ST3GAL2: variants seen among roughly 807,000 people sequenced by gnomAD.
The protein encoded by ST3GAL2 is ST3 beta-galactoside alpha-2,3-sialyltransferase 2.
A neutral mutation model predicts 37.5 loss-of-function variants in ST3GAL2; 16 were observed. The observed-to-expected ratio is 0.43, with a 90% CI of 0.29 to 0.65. The LOEUF (loss-of-function observed/expected upper bound fraction) is 0.65. Among genes scored for constraint, ST3GAL2 ranks in the 30% least tolerant of loss-of-function variants. The pLI, the probability that ST3GAL2 is intolerant of heterozygous loss-of-function variation, is 0.17. For missense variants in ST3GAL2, 383 were observed against 487.8 expected, an observed-to-expected ratio of 0.79 and a Z score of 2.02; for synonymous variants, 238 against 202.9, an observed-to-expected ratio of 1.17 and a Z score of -1.47.
rs1284037113 is a variant in ST3GAL2, at chr16:70,379,921, G to A, written c.*1768C>T. On this transcript the variant is annotated 3_prime_UTR_variant, in exon 7 of 7. Coordinates refer to ENST00000342907, the MANE Select transcript of ST3GAL2 (RefSeq NM_006927.4). ...CCCAAAGTGCTGGGATGACAGGTGT[G>A]AGCCACCGTACCTGGCGGGATTCAT... is the stretch of plus-strand genomic sequence containing the variant. 1 of 152,042 alleles carries A rather than the reference G, an allele frequency of 6.6e-6. No individual in the cohort carries two copies. Among genetic ancestry groups the A allele is most frequent in the East Asian group, 1.9e-4 (1 of 5,180 alleles). The allele number at this position is 152,042 out of a possible 1,614,324, so 9.4% of individuals were successfully genotyped here.
chr16:70,386,830 C>T (rs555469156), intron 4 of ST3GAL2, among the ~76,000 whole-genome samples: 3 of 151,214 alleles, frequency 2.0e-5, no homozygotes, highest in Non-Finnish European at 4.4e-5. Flanking sequence ...ATTTTTAGTA[C>T]AGATGAGGTT....
chr16:70,382,123 C>T (rs1474571948), intron 6 of ST3GAL2, among the ~76,000 whole-genome samples: 1 of 151,128 alleles, frequency 6.6e-6, no homozygotes, highest in Non-Finnish European at 1.5e-5. Context: ...CGGGCCTCAG[C>T]CCTGCTCTTC....
intron 1 of ST3GAL2, among the ~76,000 whole-genome samples, chr16:70,427,434 G>A (rs886285516): frequency 1.4e-4 from 21 of 151,396 alleles, no homozygotes; most frequent in Admixed American, 2.6e-4. Flanking sequence ...CACCTCCTGG[G>A]TTCAAGCCAT....
intron 1 of ST3GAL2, among the ~76,000 whole-genome samples, chr16:70,418,583 C>T (rs539160189): frequency 1.3e-5 from 2 of 152,308 alleles, no homozygotes; most frequent in South Asian, 2.1e-4. Context: ...CAGCCCCGCT[C>T]GGCGAGCAGG....
chr16:70,393,541 G>A (rs1239726806), intron 3 of ST3GAL2, among the ~76,000 whole-genome samples: 1 of 152,232 alleles, frequency 6.6e-6, no homozygotes. Context: ...GGGCACCTAA[G>A]AGCATTGTCC....
At chr16:70,410,190 T>TG (rs2047626869) in intron 1 of ST3GAL2, among the ~76,000 whole-genome samples, 1 of 98,970 alleles carries the variant, frequency 1.0e-5, no homozygotes, top group African/African-American at 5.0e-5. Context: ...ATTTTTTCTG[T>TG]ATTTTTTTTC....
intron 3 of ST3GAL2, 93 bp downstream of exon 3, chr16:70,394,888 TG>T: frequency 7.0e-7 from 1 of 1,423,914 alleles, no homozygotes; most frequent in Non-Finnish European, 9.6e-7. Context: ...CACCGGTAGC[TG>T]GCAGCATGCA....
chr16:70,436,458 G>GAAAAAAAAAAAAA (rs58205790), intron 1 of ST3GAL2, among the ~76,000 whole-genome samples: 1 of 112,370 alleles, frequency 8.9e-6, no homozygotes, highest in Non-Finnish European at 1.8e-5. Flanking sequence ...CTCAAAAAAA[G>GAAAAAAAAAAAAA]AAAAAAAAAA....
Position 70,383,202 on chromosome 16 carries a change from C to T in ST3GAL2, c.747G>A (p.Val249=), listed in dbSNP as rs2047418157. The T allele has an allele frequency of 6.2e-7, 1 of 1,611,024 alleles. No individual in the cohort carries two copies. Among genetic ancestry groups the T allele is most frequent in the Non-Finnish European group, 8.5e-7 (1 of 1,179,312 alleles). The change falls in exon 5 of 7, where the codon GTG becomes GTA. Residue 249 remains valine (V), a synonymous_variant. Coordinates refer to ENST00000342907, the MANE Select transcript of ST3GAL2 (RefSeq NM_006927.4). ...TYAPVKSFLR[V]DKEKVQIYNP... ...GTGGGGAGCTTACCTTTTCTTTATC[C>T]ACTCGAAGGAAGGACTTCACTGGGG...
chr16:70,409,733 T>C (rs1410872192), intron 1 of ST3GAL2, among the ~76,000 whole-genome samples: 1 of 151,596 alleles, frequency 6.6e-6, no homozygotes, highest in East Asian at 1.9e-4. Flanking sequence ...CTCGACCACC[T>C]GGGCTCAAAT....
rs1407921283 is a variant in ST3GAL2 at position 70,380,408 on chromosome 16, T to G, written c.*1281A>C. 6.6e-6 allele frequency: 1 copy of G among 152,232 alleles called. No homozygotes were observed. The highest frequency in any genetic ancestry group is 1.5e-5 in the Non-Finnish European group (1 of 68,074). 9.4% of individuals were successfully genotyped at this position (152,232 alleles called of 1,614,324 possible). A position where few individuals can be genotyped will look rare whatever the true frequency, so the allele number is the denominator to read the frequency against. On this transcript the variant is annotated 3_prime_UTR_variant, in exon 7 of 7. Transcript: ENST00000342907. Reference sequence around the variant, plus strand: ...GGGGCTCTATTAGTGGTTTGAGAGCTTCACAGAAGCCTTCCCCCTCCTAAA... The same window carrying G: ...GGGGCTCTATTAGTGGTTTGAGAGCGTCACAGAAGCCTTCCCCCTCCTAAA...
Position 70,381,605 on chromosome 16 carries a change from T to A in ST3GAL2, c.*84A>T. 1 of 1,513,218 alleles carries A rather than the reference T, an allele frequency of 6.6e-7. No individual in the cohort carries two copies. The highest frequency in any genetic ancestry group is 8.9e-7 in the Non-Finnish European group (1 of 1,124,966). 93.7% of individuals were successfully genotyped at this position (1,513,218 alleles called of 1,614,324 possible). On this transcript the variant is annotated 3_prime_UTR_variant, in exon 7 of 7. Transcript: ENST00000342907. ...AGACGCCCCTGGGCTGCAGCATGAT[T>A]GGTCGCGGGTTGCTGGTCCTGGGTC...
At position 70,395,053 on chromosome 16, in the gene ST3GAL2, C is replaced by T. The variant is rs1379236270; in HGVS notation, c.462G>A (p.Val154=). The T allele has an allele frequency of 6.2e-7, 1 of 1,613,874 alleles. No individual in the cohort carries two copies. Among genetic ancestry groups the T allele is most frequent in the African/African-American group, 1.3e-5 (1 of 74,958 alleles). Residue 154 remains valine, a synonymous_variant, in exon 3 of 7, where the codon GTG becomes GTA. Transcript: ENST00000342907. ...RDPHQCRRCA[V]VGNSGNLRGS... is the part of the protein sequence containing the mutation. Reference sequence around the variant, plus strand: ...CCCGCAGGTTGCCCGAGTTCCCCACCACGGCACAGCGCCGGCACTGGTGGG... The same window carrying T: ...CCCGCAGGTTGCCCGAGTTCCCCACTACGGCACAGCGCCGGCACTGGTGGG...
chr16:70,428,973 T>C (rs1462790111), intron 1 of ST3GAL2, among the ~76,000 whole-genome samples: 1 of 152,174 alleles, frequency 6.6e-6, no homozygotes, highest in African/African-American at 2.4e-5. Context: ...AGGGCCTAAA[T>C]GGTGGCCAGA....
chr16:70,418,057 G>C (rs1057138901), intron 1 of ST3GAL2, among the ~76,000 whole-genome samples: 1 of 152,194 alleles, frequency 6.6e-6, no homozygotes, highest in Non-Finnish European at 1.5e-5. Context: ...GGAGCTGTCA[G>C]GGTCCTCTTT....
intron 1 of ST3GAL2, among the ~76,000 whole-genome samples, chr16:70,430,682 A>C (rs1050885626): frequency 6.6e-6 from 1 of 152,160 alleles, no homozygotes; most frequent in African/African-American, 2.4e-5. Flanking sequence ...GCCCTTTGGG[A>C]CAGGAAGGAG....
At chr16:70,420,343 G>A (rs951616007) in intron 1 of ST3GAL2, among the ~76,000 whole-genome samples, 1 of 151,154 alleles carries the variant, frequency 6.6e-6, no homozygotes, top group South Asian at 2.1e-4. Context: ...CTCCTAAAAG[G>A]TCCAGTCACA....
chr16:70,430,906 C>A (rs972011729), intron 1 of ST3GAL2, among the ~76,000 whole-genome samples: 1 of 152,134 alleles, frequency 6.6e-6, no homozygotes, highest in Non-Finnish European at 1.5e-5. Flanking sequence ...CAGAAACTTT[C>A]ACTTCCCCCT....
chr16:70,391,941 A>G (rs2047485009), intron 3 of ST3GAL2, among the ~76,000 whole-genome samples: 1 of 152,180 alleles, frequency 6.6e-6, no homozygotes. Context: ...AACAAACTTC[A>G]TCTCACCAGA....
Sources: allele counts gnomAD v4.1 joint callset (sites outside exome capture counted in the v4.1 genomes callset), GRCh38; gene constraint gnomAD v4.1.1; transcripts MANE v1.5; gene names NCBI Gene and HGNC (gene_info 2026-07-23, HGNC 2026-07-21).